Variants in PLCB4 observed in about 807,000 individuals in gnomAD.
PLCB4 encodes the protein 1-phosphatidylinositol 4,5-bisphosphate phosphodiesterase beta-4.
PLCB4 carries 77 observed loss-of-function variants against 178.8 expected under a neutral mutation model. That is an observed-to-expected ratio of 0.43 (90% confidence interval 0.36 to 0.52). The LOEUF (loss-of-function observed/expected upper bound fraction) is 0.52, where lower values mean the gene tolerates loss of function less well. Among genes scored for constraint, PLCB4 ranks in the 20% least tolerant of loss-of-function variants. The pLI is 0.00. For synonymous variants in PLCB4, 496 were observed against 490.8 expected (o/e 1.01, Z -0.14); for missense variants, 1,024 against 1,453.4 (o/e 0.70, Z 4.80).
chr20:9,206,908 G>A (rs1055191446), intron 2 of PLCB4, among the ~76,000 whole-genome samples: 2 of 152,172 alleles, frequency 1.3e-5, no homozygotes, highest in African/African-American at 4.8e-5. Context: ...CACAAGGTCA[G>A]GAGTTCGAGA....
chr20:9,205,627 A>C (rs2093606283), intron 2 of PLCB4, among the ~76,000 whole-genome samples: 1 of 152,154 alleles, frequency 6.6e-6, no homozygotes, highest in Admixed American at 6.5e-5. Flanking sequence ...CCTTATTAAG[A>C]TTTTACCAGT....
At chr20:9,362,363 C>T (rs2035418396) in intron 7 of PLCB4, among the ~76,000 whole-genome samples, 1 of 152,188 alleles carries the variant, frequency 6.6e-6, no homozygotes, top group African/African-American at 2.4e-5. Flanking sequence ...TATGTGAGCA[C>T]ATCGCTGTTT....
intron 3 of PLCB4, among the ~76,000 whole-genome samples, chr20:9,232,664 G>T (rs1427445880): frequency 1.3e-5 from 2 of 152,094 alleles, no homozygotes; most frequent in African/African-American, 2.4e-5. Flanking sequence ...AACATTTGAT[G>T]CAGTGCAAAG....
At chr20:9,122,830 A>G (rs960407978) in intron 2 of PLCB4, among the ~76,000 whole-genome samples, 2 of 152,118 alleles carry the variant, frequency 1.3e-5, no homozygotes, top group South Asian at 2.1e-4. Context: ...AGTTAAAGGG[A>G]CCATTGGGCT....
chr20:9,339,079 A>G (rs2032865191), intron 7 of PLCB4, 42 bp downstream of exon 7: 3 of 1,505,184 alleles, frequency 2.0e-6, no homozygotes, highest in Non-Finnish European at 9.1e-7. Context: ...CCCACCATGT[A>G]TATATGTTGT....
intron 28 of PLCB4, among the ~76,000 whole-genome samples, chr20:9,432,319 G>C (rs183124322): frequency 9.7e-4 from 147 of 152,194 alleles, no homozygotes; most frequent in Non-Finnish European, 1.8e-3. Flanking sequence ...AGTAATTAAA[G>C]TATTATCTGT....
chr20:9,372,781 A>G (rs2036362351), intron 11 of PLCB4, among the ~76,000 whole-genome samples: 1 of 150,694 alleles, frequency 6.6e-6, no homozygotes, highest in South Asian at 2.1e-4. Flanking sequence ...TGTTTTTGAA[A>G]TAATATCTTT....
chr20:9,158,208 G>A (rs181271147), intron 2 of PLCB4, among the ~76,000 whole-genome samples: 1 of 152,128 alleles, frequency 6.6e-6, no homozygotes, highest in African/African-American at 2.4e-5. Flanking sequence ...CAGTCATACA[G>A]ATACCATCTG....
intron 4 of PLCB4, among the ~76,000 whole-genome samples, chr20:9,331,519 A>C (rs1049784792): frequency 3.3e-5 from 5 of 152,104 alleles, no homozygotes; most frequent in African/African-American, 4.8e-5. Flanking sequence ...ATCAGCTACC[A>C]CTTAGCTGTA....
intron 2 of PLCB4, among the ~76,000 whole-genome samples, chr20:9,098,621 C>CAT (rs891053124): frequency 5.1e-4 from 77 of 149,748 alleles, no homozygotes; most frequent in African/African-American, 1.7e-3. Flanking sequence ...TAAATAGTCT[C>CAT]ATATATATAT....
At chr20:9,319,515 A>G (rs1568579571) in intron 4 of PLCB4, among the ~76,000 whole-genome samples, 2 of 152,180 alleles carry the variant, frequency 1.3e-5, no homozygotes, top group African/African-American at 2.4e-5. Context: ...TCGTCTGTCT[A>G]TAAGCTAGAG....
At chr20:9,301,073 C>T (rs142742525) in intron 3 of PLCB4, among the ~76,000 whole-genome samples, 12 of 151,484 alleles carry the variant, frequency 7.9e-5, no homozygotes, top group South Asian at 2.1e-4. Context: ...CCTCCGTAGT[C>T]GCATTTCCTC....
chr20:9,343,979 C>T (rs1406767374), intron 7 of PLCB4, among the ~76,000 whole-genome samples: 1 of 152,220 alleles, frequency 6.6e-6, no homozygotes, highest in South Asian at 2.1e-4. Context: ...CCCTATTGTG[C>T]CCCAAGAGGT....
intron 2 of PLCB4, among the ~76,000 whole-genome samples, chr20:9,190,885 C>A (rs897509919): frequency 2.0e-5 from 3 of 152,280 alleles, no homozygotes; most frequent in African/African-American, 7.2e-5. Context: ...CAAGGTCACA[C>A]AATCTGTAAA....
intron 19 of PLCB4, among the ~76,000 whole-genome samples, chr20:9,397,901 C>G (rs938439098): frequency 1.3e-5 from 2 of 152,098 alleles, no homozygotes; most frequent in Admixed American, 1.3e-4. Flanking sequence ...GGTGGTTCTC[C>G]CTTGGGTTTC....
chr20:9,247,407 T>A (rs184486428), intron 3 of PLCB4, among the ~76,000 whole-genome samples: 3 of 152,328 alleles, frequency 2.0e-5, no homozygotes, highest in Admixed American at 6.5e-5. Flanking sequence ...TCTGAACACT[T>A]GCATGTATAA....
chr20:9,314,725 G>A (rs545980924), intron 4 of PLCB4, among the ~76,000 whole-genome samples: 13 of 152,184 alleles, frequency 8.5e-5, no homozygotes, highest in Admixed American at 5.9e-4. Context: ...ACACATGGGC[G>A]CATCTTCCTC....
chr20:9,468,377 CTA>C (rs765133681), intron 35 of PLCB4, among the ~76,000 whole-genome samples, 192 bp from the exon 36 acceptor site: 1 of 151,956 alleles, frequency 6.6e-6, no homozygotes, highest in Non-Finnish European at 1.5e-5. Flanking sequence ...TAAATTATGT[CTA>C]TATATATAAA....
Position 9,411,019 on chromosome 20 carries a change from AT to A in PLCB4, c.2000-13del. 1 of 1,597,660 alleles carries A rather than the reference AT, an allele frequency of 6.3e-7. No homozygotes were observed. Among genetic ancestry groups the A allele is most frequent in the Non-Finnish European group, 8.6e-7 (1 of 1,165,382 alleles). On this transcript the variant is annotated splice_polypyrimidine_tract_variant and intron_variant, in intron 24 of 39. Coordinates refer to ENST00000378473, the MANE Select transcript of PLCB4 (RefSeq NM_001377142.1). ...GTCTAGGAAGACAAGATGCTAAATT[AT>A]TTTTGTCTCTTGACAGATTTAGCGA... is the stretch of plus-strand genomic sequence containing the variant.
Sources: allele counts gnomAD v4.1 joint callset (sites outside exome capture counted in the v4.1 genomes callset), GRCh38; gene constraint gnomAD v4.1.1; transcripts MANE v1.5; gene names NCBI Gene and HGNC (gene_info 2026-07-23, HGNC 2026-07-21).